The following PTPN4 variants were observed in gnomAD, a reference collection of about 807,000 sequenced individuals.
PTPN4 encodes tyrosine-protein phosphatase non-receptor type 4.
PTPN4 carries 49 observed loss-of-function variants against 135.5 expected under a neutral mutation model. That is an observed-to-expected ratio of 0.36 (90% CI 0.29 to 0.46). The LOEUF (loss-of-function observed/expected upper bound fraction) is 0.46. PTPN4 is among the 20% of genes least tolerant of loss of function. The probability of loss-of-function intolerance (pLI) is 1.00; values close to 1 mark genes in which losing one functional copy is unlikely to be tolerated. For missense variants in PTPN4, 860 were observed against 1,101.0 expected (o/e 0.78, Z 3.10); for synonymous variants, 333 against 369.9 (o/e 0.90, Z 1.14).
At chr2:119,910,230 A>G (rs1441777132) in intron 10 of PTPN4, among the ~76,000 whole-genome samples, 2 of 152,080 alleles carry the variant, frequency 1.3e-5, no homozygotes, top group Non-Finnish European at 2.9e-5. Context: ...AGAATTTTTT[A>G]TAAATTACTC....
intron 3 of PTPN4, among the ~76,000 whole-genome samples, chr2:119,876,173 T>G (rs1187048066): frequency 2.0e-5 from 3 of 152,160 alleles, no homozygotes; most frequent in Admixed American, 1.3e-4. Context: ...CAAGCTGTAG[T>G]GTAAGGACTT....
rs147336004 is a variant in PTPN4, at chr2:119,782,108, C to T, written c.-18+21724C>T. On this transcript the variant is annotated intron_variant, in intron 1 of 26. Coordinates refer to ENST00000263708, the MANE Select transcript of PTPN4 (RefSeq NM_002830.4). Reference sequence around the variant, plus strand: ...AGGATAACCACTAGCCAAATGTAGCCATTTAAATTAAATATAAAAAATTCT... The same window carrying T: ...AGGATAACCACTAGCCAAATGTAGCTATTTAAATTAAATATAAAAAATTCT... Among the ~76,000 whole-genome samples, 8 of 152,160 alleles carry T rather than the reference C, an allele frequency of 5.3e-5. No individual in the cohort carries two copies. In the East Asian group the frequency reaches 1.5e-3, roughly 29 times the overall value.
At chr2:119,932,572 A>G (rs911437119) in intron 14 of PTPN4, 23 bp downstream of exon 14, 10 of 1,572,312 alleles carry the variant, frequency 6.4e-6, no homozygotes, top group African/African-American at 5.5e-5. Flanking sequence ...TTTGTGACCA[A>G]CATCAGGTGT....
At chr2:119,895,237 A>C (rs1017780269) in intron 9 of PTPN4, among the ~76,000 whole-genome samples, 1 of 152,330 alleles carries the variant, frequency 6.6e-6, no homozygotes, top group Admixed American at 6.5e-5. Context: ...GGCTGTCTCC[A>C]CCGTGTAAAA....
intron 3 of PTPN4, among the ~76,000 whole-genome samples, chr2:119,873,401 C>T (rs1677941996): frequency 1.3e-5 from 2 of 152,066 alleles, no homozygotes; most frequent in Non-Finnish European, 2.9e-5. Context: ...TAGTAGAAAC[C>T]ATGCAGATCT....
intron 22 of PTPN4, among the ~76,000 whole-genome samples, chr2:119,957,900 A>G (rs752812991): frequency 3.9e-5 from 6 of 152,316 alleles, no homozygotes; most frequent in Non-Finnish European, 8.8e-5. Flanking sequence ...AAGTGGAATT[A>G]TGAAATTATT....
intron 2 of PTPN4, among the ~76,000 whole-genome samples, chr2:119,855,337 T>A (rs1182844683): frequency 2.0e-5 from 3 of 152,084 alleles, no homozygotes; most frequent in Admixed American, 2.0e-4. Flanking sequence ...AATAACAAGT[T>A]GGGAACTATT....
chr2:119,932,317 T>C, intron 13 of PTPN4, 107 bp from the exon 14 acceptor site: 1 of 1,132,122 alleles, frequency 8.8e-7, no homozygotes, highest in African/African-American at 1.6e-5. Context: ...AAACTCTTTA[T>C]GTTGCTCATC....
chr2:119,777,900 C>T (rs894796632), intron 1 of PTPN4, among the ~76,000 whole-genome samples: 1 of 152,034 alleles, frequency 6.6e-6, no homozygotes, highest in Non-Finnish European at 1.5e-5. Context: ...AAAGGATGCT[C>T]TGGTCTCAGC....
chr2:119,825,281 C>T (rs111852104), intron 2 of PTPN4, among the ~76,000 whole-genome samples: 3,531 of 152,090 alleles, frequency 0.023, 128 homozygotes, highest in African/African-American at 0.077. Context: ...TATGGCCTTC[C>T]GTTTAGTCAT....
At chr2:119,913,437 G>T (rs1487483498) in intron 10 of PTPN4, among the ~76,000 whole-genome samples, 1 of 152,120 alleles carries the variant, frequency 6.6e-6, no homozygotes, top group Non-Finnish European at 1.5e-5. Flanking sequence ...GATAATGAGT[G>T]TCTTTTCAAG....
At chr2:119,801,475 G>A (rs1200535363) in intron 1 of PTPN4, among the ~76,000 whole-genome samples, 1 of 152,114 alleles carries the variant, frequency 6.6e-6, no homozygotes, top group Non-Finnish European at 1.5e-5. Flanking sequence ...CATTAAACCT[G>A]TATGCCTATT....
chr2:119,831,037 A>G (rs1677212397), intron 2 of PTPN4, among the ~76,000 whole-genome samples: 1 of 152,286 alleles, frequency 6.6e-6, no homozygotes, highest in African/African-American at 2.4e-5. Context: ...GTTTCAAGGA[A>G]GACAATTTTT....
intron 1 of PTPN4, among the ~76,000 whole-genome samples, chr2:119,781,712 A>G (rs1191099394): frequency 2.0e-5 from 3 of 152,250 alleles, no homozygotes; most frequent in South Asian, 2.1e-4. Flanking sequence ...CATGAAAATT[A>G]CATGAAATTC....
intron 10 of PTPN4, among the ~76,000 whole-genome samples, chr2:119,901,821 A>G (rs1325562580): frequency 6.6e-6 from 1 of 152,250 alleles, no homozygotes; most frequent in Non-Finnish European, 1.5e-5. Context: ...TAGAAATAAA[A>G]TGCATTGCAA....
intron 1 of PTPN4, among the ~76,000 whole-genome samples, chr2:119,784,696 A>AT (rs58879330): frequency 0.24 from 26,815 of 110,186 alleles, 4,330 homozygotes; most frequent in African/African-American, 0.29. Context: ...TGCCCAGCTA[A>AT]TTTTTTTTTT....
chr2:119,909,615 A>T (rs1416947163), intron 10 of PTPN4, among the ~76,000 whole-genome samples: 2 of 152,298 alleles, frequency 1.3e-5, no homozygotes, highest in African/African-American at 4.8e-5. Context: ...TTTAAGAAAC[A>T]TATTTTGTAA....
Position 119,962,726 on chromosome 2 carries a change from G to A in PTPN4, c.2391G>A (p.Met797Ile). 1 of 1,583,866 alleles carries A rather than the reference G, an allele frequency of 6.3e-7. No homozygotes were observed. Among genetic ancestry groups the A allele is most frequent in the African/African-American group, 1.3e-5 (1 of 74,470 alleles). The change falls in exon 24 of 27, where the codon ATG (methionine) becomes ATA (isoleucine). Residue 797 changes from methionine (M) to isoleucine (I), a missense_variant. Transcript: ENST00000263708. ...EGNTAYIFRK[M>I]TLFNQEKNES... ...ACACTGCCTATATCTTCAGGAAGAT[G>A]ACCCTATTTAACCAAGAGGTAAGAA...
At chr2:119,871,360 A>G (rs571094353) in intron 3 of PTPN4, among the ~76,000 whole-genome samples, 27 of 152,114 alleles carry the variant, frequency 1.8e-4, no homozygotes, top group African/African-American at 6.3e-4. Flanking sequence ...TTAATAGGAA[A>G]TAGTAATGGA....
Sources: allele counts gnomAD v4.1 joint callset (sites outside exome capture counted in the v4.1 genomes callset), GRCh38; gene constraint gnomAD v4.1.1; transcripts MANE v1.5; gene names NCBI Gene and HGNC (gene_info 2026-07-23, HGNC 2026-07-21).